The following AP3B1 variants were observed in gnomAD, a reference collection of about 807,000 sequenced individuals.
AP3B1 encodes the protein adaptor related protein complex 3 subunit beta 1.
A neutral mutation model predicts 132.5 loss-of-function variants in AP3B1; 61 were observed. That is an observed-to-expected ratio of 0.46 (90% CI 0.37 to 0.57). The LOEUF is 0.57. Ranked by LOEUF, AP3B1 falls within the 20% of genes least tolerant of loss-of-function variation. AP3B1 has a pLI of 0.00. For synonymous variants in AP3B1, 388 were observed against 438.3 expected (o/e 0.89, Z 1.43); for missense variants, 1,120 against 1,289.4 (o/e 0.87, Z 2.01).
chr5:78,012,731 G>A (rs902074968), intron 26 of AP3B1, among the ~76,000 whole-genome samples: 4 of 152,204 alleles, frequency 2.6e-5, no homozygotes, highest in African/African-American at 7.2e-5. Flanking sequence ...AAAGCCTCAA[G>A]ACACTGTGGA....
intron 22 of AP3B1, among the ~76,000 whole-genome samples, chr5:78,068,999 C>CA (rs1749417034): frequency 6.6e-6 from 1 of 152,166 alleles, no homozygotes; most frequent in Admixed American, 6.6e-5. Flanking sequence ...GAACTAAAGA[C>CA]AAAAACCACA....
intron 22 of AP3B1, among the ~76,000 whole-genome samples, chr5:78,068,836 A>T (rs1749410166): frequency 6.6e-6 from 1 of 152,210 alleles, no homozygotes; most frequent in East Asian, 1.9e-4. Flanking sequence ...TCCCTGATGA[A>T]CATCAATGCA....
intron 2 of AP3B1, among the ~76,000 whole-genome samples, chr5:78,244,980 C>T (rs1344031518): frequency 6.6e-6 from 1 of 151,502 alleles, no homozygotes; most frequent in Admixed American, 6.6e-5. Flanking sequence ...GGTGACAGAG[C>T]AAGACTCTGT....
Position 78,105,070 on chromosome 5 carries a change from A to G in AP3B1, c.2398-4045T>C, listed in dbSNP as rs370269868. Reference sequence around the variant, plus strand: ...CTTAATATTTATTTCACATTGGTAGATTATTATGCTTTATATAGTTTATGT... The same window carrying G: ...CTTAATATTTATTTCACATTGGTAGGTTATTATGCTTTATATAGTTTATGT... On this transcript the variant is annotated intron_variant, in intron 20 of 26. Transcript: ENST00000255194. 9.2e-5 allele frequency among the ~76,000 whole-genome samples: 14 copies of G among 152,308 alleles called. No homozygotes were observed. In the South Asian group the frequency reaches 2.9e-3, roughly 32 times the overall value.
intron 21 of AP3B1, among the ~76,000 whole-genome samples, chr5:78,096,733 G>A (rs535675014): frequency 2.6e-5 from 4 of 151,156 alleles, no homozygotes; most frequent in South Asian, 2.1e-4. Flanking sequence ...CCCTCCACCC[G>A]GCAACTGCCC....
In AP3B1 at chr5:78,110,248, A is replaced by G. The variant is rs765287047; in HGVS notation, c.2356T>C (p.Ser786Pro). 12 of 1,608,398 alleles carry G rather than the reference A, an allele frequency of 7.5e-6. No individual in the cohort carries two copies. Among genetic ancestry groups the G allele is most frequent in the Non-Finnish European group, 1.0e-5 (12 of 1,176,588 alleles). ...EDSSSDSESE[S>P]EPESESESRR... ...GATTCAGATTCACTTTCAGGTTCTG[A>G]CTCTGATTCAGAATCGGAAGAACTG... is the stretch of plus-strand genomic sequence containing the variant. Residue 786 changes from serine (S) to proline (P), a missense_variant, in exon 20 of 27, where the codon TCA becomes CCA. By Grantham distance (74) the Ser-to-Pro change is moderately conservative (BLOSUM62 -1). Around this residue, in one of 3 missense-constraint regions of AP3B1, gnomAD observed 906 missense variants for 997.1 expected, o/e 0.91. Coordinates refer to ENST00000255194, the MANE Select transcript of AP3B1 (RefSeq NM_003664.5).
chr5:78,028,462 A>AG (rs1239062486), intron 24 of AP3B1, among the ~76,000 whole-genome samples: 1 of 151,654 alleles, frequency 6.6e-6, no homozygotes, highest in Non-Finnish European at 1.5e-5. Flanking sequence ...AAAAAAAAAA[A>AG]TTATAATTTT....
intron 22 of AP3B1, among the ~76,000 whole-genome samples, chr5:78,060,177 A>C (rs993044498): frequency 6.6e-6 from 1 of 152,192 alleles, no homozygotes; most frequent in Non-Finnish European, 1.5e-5. Flanking sequence ...AAAAAGTCAG[A>C]TGTTTATAAA....
intron 2 of AP3B1, among the ~76,000 whole-genome samples, chr5:78,258,101 C>T (rs1159027891): frequency 1.3e-5 from 2 of 152,272 alleles, no homozygotes; most frequent in Non-Finnish European, 1.5e-5. Context: ...TTGGTCTGGG[C>T]AAAGATTTCT....
intron 24 of AP3B1, among the ~76,000 whole-genome samples, chr5:78,027,101 A>T (rs60903928): frequency 0.011 from 1,682 of 152,148 alleles, 28 homozygotes; most frequent in African/African-American, 0.036. Context: ...TTAAATTTTT[A>T]ATAGAAGAAC....
chr5:78,070,717 A>G (rs1749499314), intron 22 of AP3B1, among the ~76,000 whole-genome samples: 1 of 151,338 alleles, frequency 6.6e-6, no homozygotes, highest in African/African-American at 2.4e-5. Context: ...TTAACAAGAA[A>G]AAAACAAAAA....
intron 3 of AP3B1, among the ~76,000 whole-genome samples, chr5:78,237,804 C>T (rs143196389): frequency 2.0e-5 from 3 of 152,214 alleles, no homozygotes; most frequent in East Asian, 3.9e-4. Context: ...CACAGCGAGA[C>T]CCTGTCTCCA....
chr5:78,277,505 A>C (rs1192285771), intron 1 of AP3B1, among the ~76,000 whole-genome samples: 1 of 152,236 alleles, frequency 6.6e-6, no homozygotes, highest in Non-Finnish European at 1.5e-5. Context: ...AATTAAAATA[A>C]GGAATGCAAT....
At chr5:78,150,902 A>C (rs1404619286) in intron 14 of AP3B1, among the ~76,000 whole-genome samples, 1 of 151,822 alleles carries the variant, frequency 6.6e-6, no homozygotes, top group Non-Finnish European at 1.5e-5. Flanking sequence ...GTAAACATAT[A>C]ATTTTATTTT....
At chr5:78,087,423 A>T in intron 22 of AP3B1, 4 of 553,618 alleles carry the variant, frequency 7.2e-6, no homozygotes, top group Non-Finnish European at 9.2e-6. Flanking sequence ...GACATTCTGC[A>T]GTAGAATATT....
At chr5:78,085,446 T>C (rs896243639) in intron 22 of AP3B1, among the ~76,000 whole-genome samples, 3 of 152,006 alleles carry the variant, frequency 2.0e-5, no homozygotes, top group Non-Finnish European at 4.4e-5. Context: ...CAAAGCTCAA[T>C]GATATTTTTC....
Position 78,055,016 on chromosome 5 carries a change from GACACACACACACACACACACACACACAC to G in AP3B1, c.2578-15770_2578-15743del, listed in dbSNP as rs3050076. ...CATAAGACAGACAGACAGACCTACA[GACACACACACACACACACACACACACAC>G]ACACACACACACACTTACTTATATA... is the stretch of plus-strand genomic sequence containing the variant. On this transcript the variant is annotated intron_variant, in intron 22 of 26. Transcript: ENST00000255194. 2.8e-5 allele frequency among the ~76,000 whole-genome samples: 4 copies of G among 144,770 alleles called. No homozygotes were observed. In the East Asian group the frequency reaches 6.2e-4, roughly 23 times the overall value. 95.0% of individuals were successfully genotyped at this position (144,770 alleles called of 152,430 possible). A position where few individuals can be genotyped will look rare whatever the true frequency, so the allele number is the denominator to read the frequency against.
intron 24 of AP3B1, among the ~76,000 whole-genome samples, chr5:78,025,925 G>C (rs1346408378): frequency 6.6e-6 from 1 of 152,138 alleles, no homozygotes; most frequent in African/African-American, 2.4e-5. Flanking sequence ...GCTTATAATA[G>C]AACTAAGATG....
In AP3B1 at chr5:78,141,333, C is replaced by T. The variant is rs1753138153; in HGVS notation, c.1474-14G>A. 1 of 1,607,432 alleles carries T rather than the reference C, an allele frequency of 6.2e-7. No individual in the cohort carries two copies. The highest frequency in any genetic ancestry group is 1.3e-5 in the African/African-American group (1 of 74,732). The stretch of plus-strand genomic sequence containing the variant: ...AGCAACAGGAACCTAATATGAGAAG[C>T]AGATTACATAGTTAGAAGTAAGTTA... On this transcript the variant is annotated splice_polypyrimidine_tract_variant and intron_variant, in intron 14 of 26. Transcript: ENST00000255194.
Sources: gnomAD v4.1 joint callset for allele counts (sites outside exome capture counted in the v4.1 genomes callset) on GRCh38, gnomAD v4.1.1 for gene constraint, gnomAD v4.1.1 regional missense constraint, MANE v1.5 for transcripts, NCBI Gene and HGNC (gene_info 2026-07-23, HGNC 2026-07-21) for gene names.